ATP7A: variants seen among roughly 807,000 people sequenced by gnomAD.
ATP7A encodes copper-transporting ATPase 1.
A neutral mutation model predicts 83.5 loss-of-function variants in ATP7A; 7 were observed. The observed-to-expected ratio is 0.08, with a 90% CI of 0.05 to 0.16. The LOEUF is 0.16. Among genes scored for constraint, ATP7A ranks in the 10% least tolerant of loss-of-function variants. ATP7A has a pLI of 1.00. For missense variants in ATP7A, 940 were observed against 1,120.8 expected, an observed-to-expected ratio of 0.84 and a Z score of 2.30; for synonymous variants, 354 against 395.2, an observed-to-expected ratio of 0.90 and a Z score of 1.24.
intron 4 of ATP7A, among the ~76,000 whole-genome samples, chrX:77,994,891 C>G (rs1026814750): frequency 9.9e-5 from 11 of 111,151 alleles, no homozygotes; most frequent in African/African-American, 3.3e-4. Flanking sequence ...TTGTTAAGGG[C>G]CCCGGGAATC....
At chrX:77,966,112 T>C (rs1221564089) in intron 1 of ATP7A, among the ~76,000 whole-genome samples, 1 of 112,304 alleles carries the variant, frequency 8.9e-6, no homozygotes, top group Non-Finnish European at 1.9e-5. Context: ...CTAACAACTA[T>C]TGAATTCTAC....
At chrX:77,965,268 A>G (rs782802593) in intron 1 of ATP7A, among the ~76,000 whole-genome samples, 3 of 112,180 alleles carry the variant, frequency 2.7e-5, no homozygotes, top group South Asian at 7.3e-4. Context: ...TGAAAGTCAT[A>G]TATCTGATAA....
intron 1 of ATP7A, among the ~76,000 whole-genome samples, chrX:77,965,065 T>TA (rs1472132209): frequency 9.0e-6 from 1 of 111,220 alleles, no homozygotes. Context: ...TTTTTTTTTT[T>TA]AAGTTAAAAG....
intron 17 of ATP7A, among the ~76,000 whole-genome samples, chrX:78,035,801 T>A (rs2078009927): frequency 8.9e-6 from 1 of 112,152 alleles, no homozygotes; most frequent in South Asian, 3.7e-4. Flanking sequence ...GAACTTACGC[T>A]TATCTTTCAA....
intron 1 of ATP7A, among the ~76,000 whole-genome samples, chrX:77,967,654 T>G (rs2077517137): frequency 8.9e-6 from 1 of 112,374 alleles, no homozygotes; most frequent in Admixed American, 9.5e-5. Context: ...ATTAGACCTT[T>G]GTCAGATGGG....
chrX:77,981,833 A>G (rs1209809974), intron 2 of ATP7A, among the ~76,000 whole-genome samples: 1 of 111,729 alleles, frequency 9.0e-6, no homozygotes, highest in African/African-American at 3.2e-5. Flanking sequence ...TTGATTTTGG[A>G]CTATTATTTA....
At chrX:78,028,053 C>T (rs916537540) in intron 14 of ATP7A, among the ~76,000 whole-genome samples, 4 of 109,473 alleles carry the variant, frequency 3.7e-5, no homozygotes, top group South Asian at 3.8e-4. Flanking sequence ...GACAGGGTCT[C>T]GCTCTGTTGC....
At chrX:77,917,638 A>G (rs960352709) in intron 1 of ATP7A, among the ~76,000 whole-genome samples, 2 of 112,429 alleles carry the variant, frequency 1.8e-5, no homozygotes, top group African/African-American at 6.5e-5. Flanking sequence ...GTCTTCAAGC[A>G]AAACAATACA....
chrX:78,039,056 C>T (rs1175036443), intron 18 of ATP7A, 74 bp downstream of exon 18: 1 of 1,069,891 alleles, frequency 9.3e-7, no homozygotes, highest in Non-Finnish European at 1.3e-6. Flanking sequence ...TTTTGAGAGA[C>T]CTCTGAACTA....
At chrX:77,914,420 T>G (rs1192981524) in intron 1 of ATP7A, among the ~76,000 whole-genome samples, 17 of 110,235 alleles carry the variant, frequency 1.5e-4, no homozygotes, top group Non-Finnish European at 1.9e-5. Context: ...CCAGCTAATT[T>G]TTAAACTTTT....
chrX:77,914,981 C>T (rs182201175), intron 1 of ATP7A, among the ~76,000 whole-genome samples: 52 of 110,771 alleles, frequency 4.7e-4, no homozygotes, highest in African/African-American at 1.6e-3. Flanking sequence ...CATTGTATTG[C>T]GATATATTGT....
chrX:77,919,429 C>T (rs1368601258), intron 1 of ATP7A, among the ~76,000 whole-genome samples: 1 of 112,223 alleles, frequency 8.9e-6, no homozygotes, highest in Non-Finnish European at 1.9e-5. Context: ...TAATCACTTC[C>T]CTTTTGGGCA....
At chrX:78,040,408 A>T (rs1907438764) in intron 18 of ATP7A, among the ~76,000 whole-genome samples, 183 bp from the exon 19 acceptor site, 1 of 111,782 alleles carries the variant, frequency 8.9e-6, no homozygotes, top group Non-Finnish European at 1.9e-5. Context: ...ATAACCAAAT[A>T]TGGAGGCTTG....
At chrX:77,971,415 T>G (rs782676835) in intron 1 of ATP7A, among the ~76,000 whole-genome samples, 6 of 112,492 alleles carry the variant, frequency 5.3e-5, no homozygotes, top group Non-Finnish European at 7.5e-5. Flanking sequence ...GAAACAACTT[T>G]CCTTTACTTC....
intron 10 of ATP7A, 95 bp downstream of exon 10, chrX:78,013,207 T>C: frequency 2.6e-6 from 2 of 776,292 alleles, no homozygotes; most frequent in Admixed American, 4.8e-5. Flanking sequence ...TGCTTTTATG[T>C]AGTTAACCAT....
chrX:77,971,958 T>A (rs1319882533), intron 2 of ATP7A, among the ~76,000 whole-genome samples, 197 bp downstream of exon 2: 2 of 111,919 alleles, frequency 1.8e-5, no homozygotes, highest in Non-Finnish European at 3.8e-5. Flanking sequence ...ATTTTCAATT[T>A]AAAAACATCT....
chrX:78,028,054 G>C (rs941270344), intron 14 of ATP7A, among the ~76,000 whole-genome samples: 1 of 108,682 alleles, frequency 9.2e-6, no homozygotes, highest in African/African-American at 3.4e-5. Context: ...ACAGGGTCTC[G>C]CTCTGTTGCC....
intron 1 of ATP7A, among the ~76,000 whole-genome samples, chrX:77,962,179 G>A (rs1420028915): frequency 1.8e-5 from 2 of 111,731 alleles, no homozygotes; most frequent in Non-Finnish European, 3.8e-5. Flanking sequence ...TGGCTGCTCT[G>A]GTCGGATTCT....
intron 1 of ATP7A, among the ~76,000 whole-genome samples, chrX:77,916,180 C>A (rs1159526887): frequency 9.1e-6 from 1 of 109,387 alleles, no homozygotes; most frequent in Non-Finnish European, 1.9e-5. Context: ...CAAGGTGAAA[C>A]CCCATCTCTA....
Sources: gnomAD v4.1 joint callset for allele counts (sites outside exome capture counted in the v4.1 genomes callset) on GRCh38, gnomAD v4.1.1 for gene constraint, MANE v1.5 for transcripts, NCBI Gene and HGNC (gene_info 2026-07-23, HGNC 2026-07-21) for gene names.